Variants in ANKRD44 observed in about 807,000 individuals in gnomAD.
ANKRD44 encodes the protein serine/threonine-protein phosphatase 6 regulatory ankyrin repeat subunit B.
A neutral mutation model predicts 116.0 loss-of-function variants in ANKRD44; 35 were observed. The observed-to-expected ratio is 0.30, with a 90% confidence interval of 0.23 to 0.40. ANKRD44 has a LOEUF of 0.40. Ranked by LOEUF, ANKRD44 falls within the 10% of genes least tolerant of loss-of-function variation. The pLI, the probability that ANKRD44 is intolerant of heterozygous loss-of-function variation, is 1.00. For synonymous variants in ANKRD44, 435 were observed against 461.8 expected (o/e 0.94, Z 0.74); for missense variants, 1,014 against 1,242.6 (o/e 0.82, Z 2.77).
intron 2 of ANKRD44, among the ~76,000 whole-genome samples, chr2:197,172,005 T>C (rs961447128): frequency 4.7e-5 from 7 of 150,166 alleles, no homozygotes; most frequent in Admixed American, 2.0e-4. Flanking sequence ...TCTTCTTTTT[T>C]TTTTTTTTTT....
At chr2:197,196,779 G>T (rs1321279880) in intron 1 of ANKRD44, among the ~76,000 whole-genome samples, 1 of 152,100 alleles carries the variant, frequency 6.6e-6, no homozygotes, top group Non-Finnish European at 1.5e-5. Context: ...TACACAATCA[G>T]GTCTTTCCAA....
intron 15 of ANKRD44, 150 bp downstream of exon 15, chr2:197,081,495 T>G: frequency 1.4e-6 from 1 of 694,468 alleles, no homozygotes; most frequent in East Asian, 2.5e-5. Flanking sequence ...ATTAAAAGAA[T>G]AGTTTCTTCC....
intron 1 of ANKRD44, among the ~76,000 whole-genome samples, chr2:197,289,570 A>G (rs1021762412): frequency 6.6e-6 from 1 of 152,234 alleles, no homozygotes; most frequent in Middle Eastern, 3.2e-3. Flanking sequence ...TATACACAAA[A>G]CATGAACGAA....
chr2:197,039,729 G>A (rs142359588), intron 16 of ANKRD44, among the ~76,000 whole-genome samples: 1 of 150,726 alleles, frequency 6.6e-6, no homozygotes, highest in Non-Finnish European at 1.5e-5. Context: ...GTGTGTGAAG[G>A]GGCAGGGGAG....
chr2:197,232,265 G>A (rs963256115), intron 1 of ANKRD44, among the ~76,000 whole-genome samples: 12 of 152,158 alleles, frequency 7.9e-5, no homozygotes, highest in Non-Finnish European at 1.5e-4. Context: ...GTGGCTTGGT[G>A]AACTCCATTT....
intron 8 of ANKRD44, among the ~76,000 whole-genome samples, chr2:197,118,824 T>C (rs947078978): frequency 6.6e-6 from 1 of 152,222 alleles, no homozygotes; most frequent in African/African-American, 2.4e-5. Context: ...ATTTCTTTAT[T>C]GCATTTCAAT....
chr2:197,221,360 C>T lies in ANKRD44; in HGVS notation c.28-34254G>A, dbSNP rs187761409. Among the ~76,000 whole-genome samples, 42 of 152,146 alleles carry T rather than the reference C, an allele frequency of 2.8e-4. 1 individual carries two copies. Among genetic ancestry groups the T allele is most frequent in the African/African-American group, 9.9e-4 (41 of 41,500 alleles). On this transcript the variant is annotated intron_variant, in intron 1 of 27. Transcript: ENST00000282272. The stretch of plus-strand genomic sequence containing the variant: ...TGGAGTGATCATAGCTAACTGTAGC[C>T]TCAAACTCCTGGACACAAGTGATCC...
intron 2 of ANKRD44, among the ~76,000 whole-genome samples, chr2:197,185,102 G>A (rs1034212037): frequency 6.6e-6 from 1 of 152,210 alleles, no homozygotes; most frequent in Admixed American, 6.5e-5. Flanking sequence ...AAACAGGCTG[G>A]GTGGATTCCC....
chr2:196,999,626 C>T lies in ANKRD44; in HGVS notation c.2520-574G>A, dbSNP rs185095020. ...TATTTATTTTTGAGATAGAGTCTCACTCTGTTGCCCAGGCTGGAGTGCAGT... is the reference window on the plus strand; with the variant it reads ...TATTTATTTTTGAGATAGAGTCTCATTCTGTTGCCCAGGCTGGAGTGCAGT... On this transcript the variant is annotated intron_variant, in intron 23 of 27. Coordinates refer to ENST00000282272, the MANE Select transcript of ANKRD44 (RefSeq NM_001195144.2). Among the ~76,000 whole-genome samples, 471 of 151,474 alleles carry T rather than the reference C, an allele frequency of 3.1e-3. 2 individuals are homozygous for T. The highest frequency in any genetic ancestry group is 0.011 in the African/African-American group (444 of 41,262).
In ANKRD44 at chr2:197,131,025, C is replaced by T. The variant is rs151006581; in HGVS notation, c.262-4988G>A. ...GCAGCTTCTCTAGTCACACTTTCCT[C>T]CACTTTCTGGCTGTGACATCAACTT... On this transcript the variant is annotated intron_variant, in intron 4 of 27. Transcript: ENST00000282272. 2.4e-3 allele frequency among the ~76,000 whole-genome samples: 366 copies of T among 152,294 alleles called. 2 individuals carry two copies. Among genetic ancestry groups the T allele is most frequent in the African/African-American group, 8.0e-3 (331 of 41,558 alleles).
chr2:197,141,768 T>C (rs1162502591), intron 3 of ANKRD44, among the ~76,000 whole-genome samples: 2 of 152,236 alleles, frequency 1.3e-5, no homozygotes, highest in African/African-American at 4.8e-5. Context: ...AAACCAGAGT[T>C]ATCTGAATGG....
intron 17 of ANKRD44, among the ~76,000 whole-genome samples, chr2:197,014,455 C>T (rs887484099): frequency 2.6e-5 from 4 of 152,128 alleles, no homozygotes; most frequent in Non-Finnish European, 4.4e-5. Context: ...TGTAGCAGCA[C>T]TAAGTTCAGA....
chr2:197,203,648 G>A lies in ANKRD44; in HGVS notation c.28-16542C>T, dbSNP rs907086272. Among the ~76,000 whole-genome samples, 2 of 152,180 alleles carry A rather than the reference G, an allele frequency of 1.3e-5. No homozygotes were observed. Among genetic ancestry groups the A allele is most frequent in the Non-Finnish European group, 2.9e-5 (2 of 68,042 alleles). ...AAAATAGGTGTTGAAGCAAAAACGT[G>A]TACCTAAATGTCCACAGCAGTACTA... On this transcript the variant is annotated intron_variant, in intron 1 of 27. Coordinates refer to ENST00000282272, the MANE Select transcript of ANKRD44 (RefSeq NM_001195144.2). The surrounding 1 kb of genome is among the most constrained non-coding windows in gnomAD (Gnocchi z 4.1).
At chr2:197,055,662 A>G (rs2077189871) in intron 16 of ANKRD44, among the ~76,000 whole-genome samples, 2 of 152,196 alleles carry the variant, frequency 1.3e-5, no homozygotes, top group Non-Finnish European at 1.5e-5. Flanking sequence ...ATATTTATTA[A>G]CCTAGCACTA....
intron 3 of ANKRD44, among the ~76,000 whole-genome samples, chr2:197,143,244 C>T (rs1398033082): frequency 2.0e-5 from 3 of 149,666 alleles, no homozygotes; most frequent in Non-Finnish European, 4.4e-5. Context: ...TACATGTGCA[C>T]AATGTGCAGG....
intron 2 of ANKRD44, among the ~76,000 whole-genome samples, chr2:197,154,196 T>TTTTG (rs2079741396): frequency 6.9e-6 from 1 of 144,372 alleles, no homozygotes; most frequent in Non-Finnish European, 1.5e-5. Flanking sequence ...TTTTTTTTTT[T>TTTTG]TGAGACGGAG....
At chr2:197,263,210 G>C (rs1574392768) in intron 1 of ANKRD44, 1 of 497,558 alleles carries the variant, frequency 2.0e-6, no homozygotes, top group Non-Finnish European at 3.8e-6. Context: ...GAAATGACCA[G>C]AGACACTGAC....
At chr2:197,310,316 A>C (rs2105941489) in intron 1 of ANKRD44, among the ~76,000 whole-genome samples, 4 of 102,074 alleles carry the variant, frequency 3.9e-5, no homozygotes, top group Non-Finnish European at 5.7e-5. Flanking sequence ...CGGCCGCCGC[A>C]CTCCCGCACG....
At chr2:197,242,395 G>A (rs965100771) in intron 1 of ANKRD44, among the ~76,000 whole-genome samples, 2 of 152,084 alleles carry the variant, frequency 1.3e-5, no homozygotes, top group Admixed American at 6.6e-5. Context: ...GGAAAACCAC[G>A]TTCAATATGC....
Sources: gnomAD v4.1 joint callset for allele counts (sites outside exome capture counted in the v4.1 genomes callset) on GRCh38, gnomAD v4.1.1 for gene constraint, Gnocchi (gnomAD v3.1) non-coding constraint, MANE v1.5 for transcripts, NCBI Gene and HGNC (gene_info 2026-07-23, HGNC 2026-07-21) for gene names.